STX8: variants seen among roughly 807,000 people sequenced by gnomAD.
STX8 encodes the protein syntaxin-8.
Under a neutral mutation model 37.5 loss-of-function variants are expected in STX8, and 23 were observed. The observed-to-expected ratio is 0.61, with a 90% CI of 0.44 to 0.87. The LOEUF (loss-of-function observed/expected upper bound fraction) is 0.87, where lower values mean the gene tolerates loss of function less well. Ranked by LOEUF, STX8 falls within the 40% of genes least tolerant of loss-of-function variation. The pLI, the probability that STX8 is intolerant of heterozygous loss-of-function variation, is 0.00. For missense variants in STX8, 313 were observed against 284.7 expected (o/e 1.10, Z -0.71); for synonymous variants, 115 against 99.1 (o/e 1.16, Z -0.95).
chr17:9,366,607 A>G (rs890362493), intron 7 of STX8, among the ~76,000 whole-genome samples: 3 of 152,204 alleles, frequency 2.0e-5, no homozygotes, highest in Non-Finnish European at 4.4e-5. Flanking sequence ...GTATGTAAGA[A>G]GTCTGCACTT....
At chr17:9,335,031 T>C (rs1363756408) in intron 7 of STX8, among the ~76,000 whole-genome samples, 1 of 152,166 alleles carries the variant, frequency 6.6e-6, no homozygotes, top group South Asian at 2.1e-4. Context: ...TCGATCTGAG[T>C]CACCCCTGGT....
At chr17:9,544,868 G>A (rs967053684) in intron 4 of STX8, among the ~76,000 whole-genome samples, 8 of 152,160 alleles carry the variant, frequency 5.3e-5, no homozygotes, top group African/African-American at 7.2e-5. Context: ...GGCGGTGGGC[G>A]CCTGTAATCC....
intron 6 of STX8, among the ~76,000 whole-genome samples, chr17:9,481,795 C>T (rs1906359041): frequency 6.6e-6 from 1 of 152,122 alleles, no homozygotes; most frequent in Non-Finnish European, 1.5e-5. Flanking sequence ...GCATTAGATT[C>T]TCATAGGAGG....
chr17:9,390,660 T>C (rs1299636582), intron 6 of STX8, among the ~76,000 whole-genome samples: 1 of 140,222 alleles, frequency 7.1e-6, no homozygotes, highest in African/African-American at 2.7e-5. Flanking sequence ...ACCCTGTCTC[T>C]ACTAAAAATA....
chr17:9,480,895 T>TTTC (rs534475818), intron 6 of STX8, among the ~76,000 whole-genome samples: 2 of 151,164 alleles, frequency 1.3e-5, no homozygotes, highest in Admixed American at 6.6e-5. Context: ...TCTTTCTTTC[T>TTTC]TTTTTTTGAG....
At chr17:9,407,399 T>C (rs1294289647) in intron 6 of STX8, among the ~76,000 whole-genome samples, 2 of 151,882 alleles carry the variant, frequency 1.3e-5, no homozygotes, top group Non-Finnish European at 2.9e-5. Context: ...GAAGGAGAGC[T>C]TGAATTAAAA....
At chr17:9,562,614 ATAT>A (rs1362790430) in intron 2 of STX8, among the ~76,000 whole-genome samples, 63 of 10,304 alleles carry the variant, frequency 6.1e-3, no homozygotes, top group African/African-American at 7.2e-3. Flanking sequence ...AAAAAAAAAA[ATAT>A]ATATATATAT....
intron 6 of STX8, among the ~76,000 whole-genome samples, chr17:9,458,804 G>A (rs951018240): frequency 8.6e-5 from 13 of 151,288 alleles, no homozygotes; most frequent in Non-Finnish European, 1.8e-4. Context: ...CTGATCAGGC[G>A]ACAGAAATCA....
chr17:9,317,314 C>T (rs1909414468), intron 7 of STX8, among the ~76,000 whole-genome samples: 1 of 152,250 alleles, frequency 6.6e-6, no homozygotes, highest in Non-Finnish European at 1.5e-5. Context: ...GAAGAGGGCA[C>T]CAACCTGCCA....
chr17:9,253,207 G>GGTGTGTGTGTGTGTGTGT lies in STX8; in HGVS notation c.644-2580_644-2563dup, dbSNP rs36048368. 6.4e-3 allele frequency among the ~76,000 whole-genome samples: 906 copies of GGTGTGTGTGTGTGTGTGT among 140,988 alleles called. 10 individuals are homozygous for GGTGTGTGTGTGTGTGTGT. The highest frequency in any genetic ancestry group is 7.5e-3 in the Non-Finnish European group (486 of 65,136). 92.5% of individuals were successfully genotyped at this position (140,988 alleles called of 152,430 possible). ...CTTGCAGCAAGAAGGCAGGGGTAGG[G>GGTGTGTGTGTGTGTGTGT]GTGTGTGTGTGTGTGTGTGTGTGTG... On this transcript the variant is annotated intron_variant, in intron 7 of 7. Coordinates refer to ENST00000306357, the MANE Select transcript of STX8 (RefSeq NM_004853.3).
At chr17:9,302,676 A>G (rs1022806532) in intron 7 of STX8, among the ~76,000 whole-genome samples, 6 of 152,050 alleles carry the variant, frequency 3.9e-5, no homozygotes, top group Non-Finnish European at 5.9e-5. Context: ...CCTGGCTTTG[A>G]CCAAGGAGAT....
intron 6 of STX8, among the ~76,000 whole-genome samples, chr17:9,473,761 T>C (rs1016571836): frequency 2.6e-5 from 4 of 152,170 alleles, no homozygotes; most frequent in Non-Finnish European, 4.4e-5. Context: ...TTACCCCAGG[T>C]TCCTGGCACA....
chr17:9,308,175 T>C (rs879399720), intron 7 of STX8, among the ~76,000 whole-genome samples: 2 of 152,180 alleles, frequency 1.3e-5, no homozygotes, highest in Non-Finnish European at 1.5e-5. Context: ...TGTGATCTAA[T>C]AGTAATAGAC....
intron 7 of STX8, among the ~76,000 whole-genome samples, chr17:9,340,766 T>G (rs558270212): frequency 4.1e-5 from 6 of 147,956 alleles, no homozygotes; most frequent in Non-Finnish European, 8.9e-5. Flanking sequence ...CAAGCGATTC[T>G]CCTGCCTCAG....
At chr17:9,283,023 C>T (rs73264084) in intron 7 of STX8, among the ~76,000 whole-genome samples, 1,523 of 151,830 alleles carry the variant, frequency 0.01, 21 homozygotes, top group African/African-American at 0.035. Flanking sequence ...AGAGAGTTTA[C>T]GTATTTGCTG....
At chr17:9,566,552 C>T (rs183293844) in intron 2 of STX8, among the ~76,000 whole-genome samples, 13 of 152,102 alleles carry the variant, frequency 8.5e-5, no homozygotes, top group Admixed American at 5.2e-4. Context: ...TTCGGGAGGC[C>T]GAGGTGGGTG....
At chr17:9,451,259 C>T (rs1185653479) in intron 6 of STX8, among the ~76,000 whole-genome samples, 7 of 152,172 alleles carry the variant, frequency 4.6e-5, no homozygotes, top group African/African-American at 1.2e-4. Flanking sequence ...ATGTATCTCT[C>T]TGTGGAGAAA....
At chr17:9,463,700 G>C (rs774545042) in intron 6 of STX8, among the ~76,000 whole-genome samples, 1 of 152,192 alleles carries the variant, frequency 6.6e-6, no homozygotes, top group Non-Finnish European at 1.5e-5. Context: ...CTGAGGTTGG[G>C]AGTTTGAGAC....
At chr17:9,314,025 T>C (rs979344654) in intron 7 of STX8, among the ~76,000 whole-genome samples, 4 of 152,174 alleles carry the variant, frequency 2.6e-5, no homozygotes, top group African/African-American at 9.7e-5. Flanking sequence ...ACATCACTGA[T>C]CTCATTTGGT....
Sources: gnomAD v4.1 joint callset for allele counts (sites outside exome capture counted in the v4.1 genomes callset) on GRCh38, gnomAD v4.1.1 for gene constraint, MANE v1.5 for transcripts, NCBI Gene and HGNC (gene_info 2026-07-23, HGNC 2026-07-21) for gene names.